MCPH1: variants seen among roughly 807,000 people sequenced by gnomAD.
MCPH1 encodes microcephalin 1.
Under a neutral mutation model 84.5 loss-of-function variants are expected in MCPH1, and 104 were observed. The observed-to-expected ratio is 1.23, with a 90% CI of 1.05 to 1.45. The LOEUF (loss-of-function observed/expected upper bound fraction) is 1.45. MCPH1 is among the 40% of genes most tolerant of loss of function. MCPH1 has a pLI of 0.00. For synonymous variants in MCPH1, 514 were observed against 366.8 expected, an observed-to-expected ratio of 1.40 and a Z score of -4.58; for missense variants, 1,498 against 1,005.7, an observed-to-expected ratio of 1.49 and a Z score of -6.62.
Position 6,648,187 on chromosome 8 carries a change from C to T in MCPH1, c.*5138C>T, listed in dbSNP as rs944150538. ...ATTCAGCCCAACATGAGGCTCCACA[C>T]CCTAGAACTCCCTGTGGAGTTGGCC... On this transcript the variant is annotated 3_prime_UTR_variant, in exon 14 of 14. Transcript: ENST00000344683. 1.3e-5 allele frequency: 2 copies of T among 152,234 alleles called. No individual in the cohort carries two copies. Among genetic ancestry groups the T allele is most frequent in the South Asian group, 2.1e-4 (1 of 4,826 alleles). 9.4% of individuals were successfully genotyped at this position (152,234 alleles called of 1,614,324 possible). A position where few individuals can be genotyped will look rare whatever the true frequency, so the allele number is the denominator to read the frequency against.
At chr8:6,483,740 A>C (rs1486747998) in intron 11 of MCPH1, among the ~76,000 whole-genome samples, 1 of 152,148 alleles carries the variant, frequency 6.6e-6, no homozygotes, top group East Asian at 1.9e-4. Context: ...CCTGCCTGTA[A>C]TCCCAGCTAC....
intron 9 of MCPH1, among the ~76,000 whole-genome samples, chr8:6,462,419 T>C (rs1806389851): frequency 1.3e-5 from 2 of 152,230 alleles, no homozygotes; most frequent in South Asian, 4.1e-4. Flanking sequence ...TAATTTCCCT[T>C]TTACTTTTTC....
chr8:6,638,303 C>G (rs1293880614), intron 13 of MCPH1, among the ~76,000 whole-genome samples: 1 of 152,154 alleles, frequency 6.6e-6, no homozygotes, highest in East Asian at 1.9e-4. Flanking sequence ...TCTCCTAGCC[C>G]TAACATGCTT....
intron 12 of MCPH1, among the ~76,000 whole-genome samples, chr8:6,526,028 T>A (rs1018900817): frequency 6.6e-6 from 1 of 152,112 alleles, no homozygotes; most frequent in African/African-American, 2.4e-5. Flanking sequence ...GTCACGGACA[T>A]CATTGTATAA....
intron 12 of MCPH1, among the ~76,000 whole-genome samples, chr8:6,605,847 G>A (rs977380197): frequency 1.3e-5 from 2 of 152,102 alleles, no homozygotes; most frequent in Non-Finnish European, 2.9e-5. Context: ...ACAGGTGTTT[G>A]CCACCATGCC....
At chr8:6,451,560 G>A (rs909612236) in intron 8 of MCPH1, among the ~76,000 whole-genome samples, 55 of 151,768 alleles carry the variant, frequency 3.6e-4, no homozygotes, top group African/African-American at 1.1e-3. Context: ...CTATTGAAGA[G>A]TGTTGTTTTT....
intron 12 of MCPH1, among the ~76,000 whole-genome samples, chr8:6,613,220 T>C (rs1830450248): frequency 6.6e-6 from 1 of 152,056 alleles, no homozygotes; most frequent in Non-Finnish European, 1.5e-5. Context: ...AAAGGGCTTA[T>C]AGGCTGAAGG....
chr8:6,571,768 G>C (rs1279118395), intron 12 of MCPH1, among the ~76,000 whole-genome samples: 1 of 152,080 alleles, frequency 6.6e-6, no homozygotes, highest in Admixed American at 6.5e-5. Flanking sequence ...GACTTAATAT[G>C]AAAAAATCTT....
intron 11 of MCPH1, among the ~76,000 whole-genome samples, chr8:6,486,262 A>ATCTCTCTCTCTCTCTCTCTCTCTC (rs56247663): frequency 6.8e-6 from 1 of 147,092 alleles, no homozygotes; most frequent in African/African-American, 2.5e-5. Context: ...TGTACAAGGA[A>ATCTCTCTCTCTCTCTCTCTCTCTC]TCTCTCTCTC....
intron 12 of MCPH1, among the ~76,000 whole-genome samples, chr8:6,535,382 A>G (rs1438816115): frequency 1.3e-5 from 2 of 152,212 alleles, no homozygotes; most frequent in African/African-American, 4.8e-5. Context: ...TTAAAAAATA[A>G]AATTTCTTAA....
At chr8:6,564,740 C>T (rs1826003477) in intron 12 of MCPH1, among the ~76,000 whole-genome samples, 1 of 152,162 alleles carries the variant, frequency 6.6e-6, no homozygotes, top group Admixed American at 6.5e-5. Context: ...AGTTAACGAA[C>T]AACAGTGTGA....
At chr8:6,551,145 T>A (rs980376816) in intron 12 of MCPH1, among the ~76,000 whole-genome samples, 2 of 152,228 alleles carry the variant, frequency 1.3e-5, no homozygotes, top group Non-Finnish European at 2.9e-5. Context: ...TCTGTGCTGA[T>A]GCTGACTTAG....
chr8:6,440,980 G>GCTTTT (rs1196871971), intron 6 of MCPH1, among the ~76,000 whole-genome samples: 2 of 152,164 alleles, frequency 1.3e-5, no homozygotes, highest in Non-Finnish European at 2.9e-5. Flanking sequence ...TACCTGCCTG[G>GCTTTT]CTTTTCTTGC....
intron 12 of MCPH1, among the ~76,000 whole-genome samples, chr8:6,561,081 A>G (rs1825464092): frequency 1.3e-5 from 2 of 152,204 alleles, no homozygotes; most frequent in Non-Finnish European, 2.9e-5. Context: ...AGTTAAGCAG[A>G]TATTTAGGAT....
chr8:6,540,139 G>A (rs940069574), intron 12 of MCPH1, among the ~76,000 whole-genome samples: 2 of 152,066 alleles, frequency 1.3e-5, no homozygotes, highest in African/African-American at 4.8e-5. Context: ...AATCCTATCC[G>A]CTTTGCTCTT....
intron 12 of MCPH1, among the ~76,000 whole-genome samples, chr8:6,538,795 C>T (rs1241513554): frequency 6.6e-6 from 1 of 152,204 alleles, no homozygotes; most frequent in African/African-American, 2.4e-5. Flanking sequence ...AATCCTCAAA[C>T]TCTGCAACCA....
chr8:6,433,320 C>T (rs777692254), intron 4 of MCPH1, among the ~76,000 whole-genome samples: 1 of 152,104 alleles, frequency 6.6e-6, no homozygotes, highest in Non-Finnish European at 1.5e-5. Context: ...TTACCAGCTC[C>T]ACCAATCATA....
chr8:6,505,733 A>G (rs753846228), intron 12 of MCPH1, among the ~76,000 whole-genome samples: 229 of 133,840 alleles, frequency 1.7e-3, no homozygotes, highest in Non-Finnish European at 2.8e-3. Context: ...TATATATTCT[A>G]TATATATTCT....
chr8:6,462,290 A>C (rs1585909094), intron 9 of MCPH1, among the ~76,000 whole-genome samples: 2 of 152,370 alleles, frequency 1.3e-5, no homozygotes, highest in East Asian at 3.8e-4. Flanking sequence ...TCTTTGCTAG[A>C]ATATGAGCCC....
Sources: gnomAD v4.1 joint callset for allele counts (sites outside exome capture counted in the v4.1 genomes callset) on GRCh38, gnomAD v4.1.1 for gene constraint, MANE v1.5 for transcripts, NCBI Gene and HGNC (gene_info 2026-07-23, HGNC 2026-07-21) for gene names.